The following ADAM22 variants were observed in gnomAD, a reference collection of about 807,000 sequenced individuals.
ADAM22 encodes disintegrin and metalloproteinase domain-containing protein 22.
In ADAM22, 65 loss-of-function variants were observed where a neutral mutation model predicts 144.6. That is an observed-to-expected ratio of 0.45 (90% CI 0.37 to 0.55). The LOEUF is 0.55. ADAM22 is among the 20% of genes least tolerant of loss of function. ADAM22 has a pLI of 0.00. For synonymous variants in ADAM22, 391 were observed against 412.6 expected, an observed-to-expected ratio of 0.95 and a Z score of 0.63; for missense variants, 974 against 1,184.9, an observed-to-expected ratio of 0.82 and a Z score of 2.61.
intron 2 of ADAM22, among the ~76,000 whole-genome samples, chr7:87,953,791 G>C (rs1845872577): frequency 6.6e-6 from 1 of 152,096 alleles, no homozygotes; most frequent in Admixed American, 6.5e-5. Context: ...CTCTTTGTAG[G>C]TCACTAAGGA....
intron 14 of ADAM22, among the ~76,000 whole-genome samples, chr7:88,139,290 C>T (rs958974508): frequency 1.2e-4 from 18 of 152,058 alleles, no homozygotes; most frequent in South Asian, 4.2e-4. Flanking sequence ...TGATGGCAGG[C>T]GCCTCTAATC....
intron 3 of ADAM22, among the ~76,000 whole-genome samples, chr7:88,025,941 G>A (rs151193344): frequency 0.012 from 1,844 of 152,224 alleles, 37 homozygotes; most frequent in African/African-American, 0.041. Context: ...CATTGAATCT[G>A]TATATTGCTT....
chr7:88,196,557 A>T lies in ADAM22; in HGVS notation c.*66A>T. 1 of 1,534,300 alleles carries T rather than the reference A, an allele frequency of 6.5e-7. No individual in the cohort carries two copies. The highest frequency in any genetic ancestry group is 9.0e-7 in the Non-Finnish European group (1 of 1,108,524). On this transcript the variant is annotated 3_prime_UTR_variant, in exon 32 of 32. Transcript: ENST00000413139. ...TCAACTTTTATAGAAACCCAGGCTC[A>T]TGGAATCACTGCAAATCTATCTGCT... is the stretch of plus-strand genomic sequence containing the variant.
At chr7:88,066,679 G>T (rs995388607) in intron 3 of ADAM22, among the ~76,000 whole-genome samples, 1 of 152,074 alleles carries the variant, frequency 6.6e-6, no homozygotes, top group Non-Finnish European at 1.5e-5. Context: ...ATCAAGTACT[G>T]ATCCCTGGGG....
At chr7:88,187,654 C>T (rs767966773) in intron 30 of ADAM22, among the ~76,000 whole-genome samples, 8 of 152,160 alleles carry the variant, frequency 5.3e-5, no homozygotes, top group Admixed American at 2.0e-4. Flanking sequence ...CTCTTCTGAA[C>T]ACAATTTTAC....
chr7:88,125,554 T>A, intron 7 of ADAM22, 35 bp from the exon 8 acceptor site: 1 of 1,494,578 alleles, frequency 6.7e-7, no homozygotes, highest in Non-Finnish European at 9.2e-7. Flanking sequence ...ATCTGACAAA[T>A]GCACTAAGTT....
At chr7:88,091,094 T>G (rs931872412) in intron 4 of ADAM22, among the ~76,000 whole-genome samples, 4 of 152,192 alleles carry the variant, frequency 2.6e-5, no homozygotes, top group African/African-American at 9.6e-5. Flanking sequence ...TACTGTATAT[T>G]GCTGTCCTGT....
intron 7 of ADAM22, among the ~76,000 whole-genome samples, chr7:88,117,695 T>G (rs1018551802): frequency 2.2e-5 from 1 of 44,900 alleles, no homozygotes; most frequent in African/African-American, 5.4e-5. Context: ...TTATTTTAAT[T>G]TTTTTTTTTT....
intron 3 of ADAM22, among the ~76,000 whole-genome samples, chr7:88,038,452 T>C (rs1585171932): frequency 2.4e-5 from 2 of 82,330 alleles, no homozygotes; most frequent in African/African-American, 6.2e-5. Context: ...TCTGCTATTC[T>C]TTTTTTTTTT....
intron 3 of ADAM22, among the ~76,000 whole-genome samples, chr7:88,053,634 A>AAG (rs201812553): frequency 0.19 from 18,398 of 96,590 alleles, 1,678 homozygotes; most frequent in South Asian, 0.3. Context: ...GAAAGAAAGA[A>AAG]AGAAAGAAAG....
intron 4 of ADAM22, among the ~76,000 whole-genome samples, chr7:88,094,775 TA>T (rs1030700605): frequency 3.3e-5 from 5 of 151,948 alleles, no homozygotes; most frequent in Non-Finnish European, 5.9e-5. Flanking sequence ...TCTGATTAAA[TA>T]AAAAAAATAA....
At chr7:88,004,062 A>C (rs1793221169) in intron 3 of ADAM22, among the ~76,000 whole-genome samples, 1 of 152,262 alleles carries the variant, frequency 6.6e-6, no homozygotes, top group Non-Finnish European at 1.5e-5. Context: ...CAGAAGCGTC[A>C]GTAGCTGGAG....
intron 3 of ADAM22, among the ~76,000 whole-genome samples, chr7:88,064,509 A>G (rs1810694645): frequency 6.6e-6 from 1 of 152,172 alleles, no homozygotes; most frequent in Non-Finnish European, 1.5e-5. Flanking sequence ...TATAAATCAT[A>G]GAATTTTTTT....
chr7:88,174,399 G>A (rs959808379), intron 26 of ADAM22, among the ~76,000 whole-genome samples: 1 of 148,080 alleles, frequency 6.8e-6, no homozygotes, highest in African/African-American at 2.4e-5. Context: ...GGGCAGAATT[G>A]TGGAACAAAG....
In ADAM22 at chr7:88,075,249, G is replaced by T. The variant is rs769706883; in HGVS notation, c.324-377G>T. 6.1e-4 allele frequency among the ~76,000 whole-genome samples: 93 copies of T among 151,974 alleles called. 1 individual carries two copies. The highest frequency in any genetic ancestry group is 6.6e-5 in the Admixed American group (1 of 15,266). On this transcript the variant is annotated intron_variant, in intron 3 of 31. Transcript: ENST00000413139. ...AAAATATCACATATAACACATTAAA[G>T]AAATGGTAAGGCATAATATACAATT...
At chr7:88,081,372 A>C (rs1585533622) in intron 4 of ADAM22, among the ~76,000 whole-genome samples, 1 of 152,208 alleles carries the variant, frequency 6.6e-6, no homozygotes, top group Non-Finnish European at 1.5e-5. Flanking sequence ...TAACAAACCC[A>C]CAGCCAATAT....
chr7:88,146,158 C>A (rs1407972676), intron 17 of ADAM22, among the ~76,000 whole-genome samples: 1 of 152,182 alleles, frequency 6.6e-6, no homozygotes, highest in Admixed American at 6.6e-5. Context: ...TTTTCTCATA[C>A]AAAATCTGGT....
chr7:88,146,803 G>T (rs916178405), intron 17 of ADAM22, among the ~76,000 whole-genome samples: 47 of 152,234 alleles, frequency 3.1e-4, no homozygotes, highest in Non-Finnish European at 2.6e-4. Context: ...GCTGGCAGCA[G>T]TTTCTGTTGT....
chr7:87,948,797 TTAG>T (rs1844346583), intron 2 of ADAM22, among the ~76,000 whole-genome samples: 1 of 152,148 alleles, frequency 6.6e-6, no homozygotes, highest in Non-Finnish European at 1.5e-5. Flanking sequence ...AACTTGGGTG[TTAG>T]TAGAAGGTGT....
Sources: gnomAD v4.1 joint callset for allele counts (sites outside exome capture counted in the v4.1 genomes callset) on GRCh38, gnomAD v4.1.1 for gene constraint, MANE v1.5 for transcripts, NCBI Gene and HGNC (gene_info 2026-07-23, HGNC 2026-07-21) for gene names.